The following TMEM17 variants were observed in gnomAD, a reference collection of about 807,000 sequenced individuals.
TMEM17 encodes transmembrane protein 17.
Under a neutral mutation model 19.1 loss-of-function variants are expected in TMEM17, and 15 were observed. The ratio of observed to expected loss-of-function variants is 0.78; its 90% CI spans 0.52 to 1.21. TMEM17 has a LOEUF of 1.21. Among genes scored for constraint, TMEM17 ranks in the 50% most tolerant of loss-of-function variants. The pLI is 0.00. For synonymous variants in TMEM17, 103 were observed against 86.9 expected (o/e 1.19, Z -1.03); for missense variants, 245 against 242.3 (o/e 1.01, Z -0.07).
chr2:62,471,672 C>T, the TMEM17 span, among the ~76,000 whole-genome samples: 1 of 152,148 alleles, frequency 6.6e-6, no homozygotes, highest in Non-Finnish European at 1.5e-5. Context: ...GGGGGAGGAG[C>T]TTGGTCTGAA....
the TMEM17 span, among the ~76,000 whole-genome samples, chr2:62,466,460 C>T: frequency 6.6e-6 from 1 of 152,122 alleles, no homozygotes; most frequent in Admixed American, 6.6e-5. Flanking sequence ...AAACCAAATG[C>T]GATGTGAGTG....
At chr2:62,478,457 C>T in the TMEM17 span, among the ~76,000 whole-genome samples, 1 of 152,230 alleles carries the variant, frequency 6.6e-6, no homozygotes, top group Non-Finnish European at 1.5e-5. Context: ...GCTCTGCATG[C>T]AGAAAGGCAC....
chr2:62,487,676 T>G, the TMEM17 span, among the ~76,000 whole-genome samples: 3 of 152,192 alleles, frequency 2.0e-5, no homozygotes, highest in African/African-American at 4.8e-5. Flanking sequence ...AAAATAAAAC[T>G]TGCACAGGCC....
Position 62,501,504 on chromosome 2 carries a change from C to T in TMEM17, c.319-17G>A, listed in dbSNP as rs781415277. The T allele has an allele frequency of 1.9e-6, 3 of 1,595,902 alleles. No homozygotes were observed. The highest frequency in any genetic ancestry group is 1.8e-5 in the Admixed American group (1 of 56,092). On this transcript the variant is annotated splice_polypyrimidine_tract_variant and intron_variant, in intron 3 of 3. Coordinates refer to ENST00000335390, the MANE Select transcript of TMEM17 (RefSeq NM_198276.3). ...CTCAGGAACCTGCAATGACACATAT[C>T]AAGAGTAATAAAAATCAGTAAAATA...
At chr2:62,465,877 T>C in the TMEM17 span, among the ~76,000 whole-genome samples, 4 of 152,136 alleles carry the variant, frequency 2.6e-5, no homozygotes, top group African/African-American at 9.7e-5. Context: ...GGGGCGTAAG[T>C]TGACCAGACA....
the TMEM17 span, among the ~76,000 whole-genome samples, chr2:62,459,596 T>C: frequency 6.6e-6 from 1 of 152,250 alleles, no homozygotes; most frequent in African/African-American, 2.4e-5. Flanking sequence ...AACTAACTTA[T>C]TTTACACACT....
chr2:62,505,905 C>A (rs1054420212), intron 1 of TMEM17, 125 bp downstream of exon 1: 1 of 972,088 alleles, frequency 1.0e-6, no homozygotes, highest in East Asian at 3.0e-5. Flanking sequence ...GGCGCTCTCC[C>A]GCACTGCGGA....
the TMEM17 span, among the ~76,000 whole-genome samples, chr2:62,469,125 A>C: frequency 6.6e-6 from 1 of 152,360 alleles, no homozygotes; most frequent in South Asian, 2.1e-4. Flanking sequence ...TTTAGTTAGC[A>C]TAAATGTGTA....
chr2:62,471,141 C>G, the TMEM17 span, among the ~76,000 whole-genome samples: 1 of 152,178 alleles, frequency 6.6e-6, no homozygotes, highest in South Asian at 2.1e-4. Flanking sequence ...ATCAGCAAGT[C>G]ACTAGTCTTT....
At chr2:62,491,548 C>T in the TMEM17 span, 1 of 152,198 alleles carries the variant, frequency 6.6e-6, no homozygotes, top group African/African-American at 2.4e-5. Flanking sequence ...TGTAGGAAAG[C>T]TTTGGAATTA....
chr2:62,504,042 A>AT (rs1280350904), intron 1 of TMEM17, among the ~76,000 whole-genome samples: 4 of 152,220 alleles, frequency 2.6e-5, no homozygotes, highest in African/African-American at 4.8e-5. Flanking sequence ...TACACGTAAG[A>AT]TTTTAAAGGC....
At chr2:62,456,928 C>T in the TMEM17 span, among the ~76,000 whole-genome samples, 1 of 152,276 alleles carries the variant, frequency 6.6e-6, no homozygotes, top group Non-Finnish European at 1.5e-5. Flanking sequence ...CTTGGGGCCT[C>T]GCGCCCAGGT....
the TMEM17 span, among the ~76,000 whole-genome samples, chr2:62,483,262 G>C: frequency 6.6e-6 from 1 of 152,168 alleles, no homozygotes; most frequent in East Asian, 1.9e-4. Flanking sequence ...GATGGAAAAA[G>C]CTGCTTGAAG....
the TMEM17 span, among the ~76,000 whole-genome samples, chr2:62,458,404 T>C: frequency 6.6e-6 from 1 of 152,314 alleles, no homozygotes; most frequent in Admixed American, 6.5e-5. Flanking sequence ...CAGCAGTTCA[T>C]TCCACGTGTA....
At chr2:62,463,522 A>C in the TMEM17 span, among the ~76,000 whole-genome samples, 1 of 152,328 alleles carries the variant, frequency 6.6e-6, no homozygotes, top group East Asian at 1.9e-4. Context: ...CAGGGTGCTT[A>C]CCAGTTATGA....
At chr2:62,468,294 G>A in the TMEM17 span, among the ~76,000 whole-genome samples, 43 of 152,194 alleles carry the variant, frequency 2.8e-4, no homozygotes, top group African/African-American at 9.7e-4. Context: ...CTAGCCTCAG[G>A]AGAGCTGGGG....
At chr2:62,453,934 A>G in the TMEM17 span, among the ~76,000 whole-genome samples, 1 of 152,256 alleles carries the variant, frequency 6.6e-6, no homozygotes, top group Admixed American at 6.5e-5. Flanking sequence ...TAGATCAAGA[A>G]GAAAAACTTT....
At chr2:62,468,451 C>G in the TMEM17 span, among the ~76,000 whole-genome samples, 1 of 152,340 alleles carries the variant, frequency 6.6e-6, no homozygotes, top group South Asian at 2.1e-4. Flanking sequence ...TCTTTGGCCC[C>G]TTAAAATATC....
chr2:62,501,164 C>CAA lies in TMEM17; in HGVS notation c.*44_*45insTT, dbSNP rs1558722341. On this transcript the variant is annotated 3_prime_UTR_variant, in exon 4 of 4. Coordinates refer to ENST00000335390, the MANE Select transcript of TMEM17 (RefSeq NM_198276.3). ...AGCTCTGATATTTTCCTAACTCTTA[C>CAA]AGTCTCTAGAATGATCTGTCAGATT... 1 of 1,578,680 alleles carries CAA rather than the reference C, an allele frequency of 6.3e-7. No homozygotes were observed. The highest frequency in any genetic ancestry group is 8.6e-7 in the Non-Finnish European group (1 of 1,160,282).
Sources: gnomAD v4.1 joint callset for allele counts (sites outside exome capture counted in the v4.1 genomes callset) on GRCh38, gnomAD v4.1.1 for gene constraint, MANE v1.5 for transcripts, NCBI Gene and HGNC (gene_info 2026-07-23, HGNC 2026-07-21) for gene names.